DDX23: variants seen among roughly 807,000 people sequenced by gnomAD.
DDX23 encodes DEAD-box helicase 23, also known as probable ATP-dependent RNA helicase DDX23.
In DDX23, 33 loss-of-function variants were observed where a neutral mutation model predicts 102.7. That is an observed-to-expected ratio of 0.32 (90% CI 0.24 to 0.43). The LOEUF (loss-of-function observed/expected upper bound fraction) is 0.43, where lower values mean the gene tolerates loss of function less well. Among genes scored for constraint, DDX23 ranks in the 20% least tolerant of loss-of-function variants. The pLI, the probability that DDX23 is intolerant of heterozygous loss-of-function variation, is 1.00. For synonymous variants in DDX23, 352 were observed against 376.0 expected (o/e 0.94, Z 0.74); for missense variants, 549 against 1,086.6 (o/e 0.51, Z 6.96).
rs777324384 is a variant in DDX23 at position 48,840,071 on chromosome 12, C to T, written c.356G>A (p.Arg119Gln). 26 of 1,613,986 alleles carry T rather than the reference C, an allele frequency of 1.6e-5. No individual in the cohort carries two copies. Among genetic ancestry groups the T allele is most frequent in the East Asian group, 6.7e-5 (3 of 44,906 alleles). ...ATCCTTCTTAGAGTCTCTGTCCTTC[C>T]GAGATTTAAAGTCTTTTCCTCGACC... ...SPGRGKDFKSRKDRDSKKDEE... is the reference protein window; with the variant it reads ...SPGRGKDFKSQKDRDSKKDEE... Residue 119 changes from arginine to glutamine, a missense_variant, in exon 4 of 17, where the codon CGG (arginine) becomes CAG (glutamine). By Grantham distance (43) the Arg-to-Gln change is conservative. This residue lies in a region of DDX23 where 241 missense variants were observed against 267.0 expected (regional missense o/e 0.90). Coordinates refer to ENST00000308025, the MANE Select transcript of DDX23 (RefSeq NM_004818.3).
At chr12:48,846,264 G>A (rs113439573) in intron 1 of DDX23, among the ~76,000 whole-genome samples, 2 of 152,196 alleles carry the variant, frequency 1.3e-5, no homozygotes, top group African/African-American at 4.8e-5. Flanking sequence ...GTGCCTGGTC[G>A]ATTCCTTTTT....
chr12:48,831,762 T>C, intron 15 of DDX23: 1 of 464,890 alleles, frequency 2.2e-6, no homozygotes, highest in Non-Finnish European at 3.9e-6. Context: ...TCAACGTACC[T>C]AAGCAGTTTT....
At chr12:48,841,663 G>C (rs1414724388) in intron 3 of DDX23, among the ~76,000 whole-genome samples, 3 of 152,246 alleles carry the variant, frequency 2.0e-5, no homozygotes, top group Non-Finnish European at 4.4e-5. Flanking sequence ...GGGTTTCGCT[G>C]TGTTGGCCGG....
intron 12 of DDX23, 44 bp from the exon 13 acceptor site, chr12:48,833,563 T>G: frequency 6.3e-7 from 1 of 1,593,560 alleles, no homozygotes; most frequent in Non-Finnish European, 8.5e-7. Context: ...CAGGTGCCCC[T>G]TCTTTTCTTT....
chr12:48,835,972 A>C, intron 11 of DDX23, 149 bp downstream of exon 11: 1 of 913,848 alleles, frequency 1.1e-6, no homozygotes, highest in Non-Finnish European at 1.7e-6. Flanking sequence ...CTTCTTCGAT[A>C]TCATGATCCA....
At chr12:48,848,625 C>A (rs1017425443) in intron 1 of DDX23, among the ~76,000 whole-genome samples, 1 of 152,148 alleles carries the variant, frequency 6.6e-6, no homozygotes, top group African/African-American at 2.4e-5. Flanking sequence ...CACCCTCTCA[C>A]GCAAGATGGA....
rs1237621998 is a variant in DDX23 at position 48,834,090 on chromosome 12, A to G, written c.1560+230T>C. 2.6e-5 allele frequency among the ~76,000 whole-genome samples: 4 copies of G among 152,248 alleles called. No homozygotes were observed. In the East Asian group the frequency reaches 7.7e-4, roughly 29 times the overall value. On this transcript the variant is annotated intron_variant, in intron 12 of 16. Coordinates refer to ENST00000308025, the MANE Select transcript of DDX23 (RefSeq NM_004818.3). ...ATTAACCTGAACCTCAGCTTGATCT[A>G]TAACAAGGAAATACCACTCTCATAC...
At chr12:48,833,169 G>T in intron 13 of DDX23, 108 bp downstream of exon 13, 2 of 1,515,700 alleles carry the variant, frequency 1.3e-6, no homozygotes, top group South Asian at 1.3e-5. Flanking sequence ...AATTTTTGTA[G>T]AGACGGAGTT....
rs1938407793 is a variant in DDX23, at chr12:48,832,605, A to G, written c.1804-32T>C. The stretch of plus-strand genomic sequence containing the variant: ...AAACAGGAGGCTCAGCCCTGCACCC[A>G]GGCAGGAATAATCATATATCCCACT... On this transcript the variant is annotated intron_variant, in intron 13 of 16. Transcript: ENST00000308025. The surrounding 1 kb of genome is among the most constrained non-coding windows in gnomAD (Gnocchi z 4.4). The G allele has an allele frequency of 6.2e-6, 10 of 1,608,094 alleles. No individual in the cohort carries two copies. Among genetic ancestry groups the G allele is most frequent in the African/African-American group, 5.3e-5 (4 of 74,820 alleles).
chr12:48,848,294 A>C (rs1565680066), intron 1 of DDX23, among the ~76,000 whole-genome samples: 1 of 150,920 alleles, frequency 6.6e-6, no homozygotes, highest in African/African-American at 2.4e-5. Context: ...TCAAAAACAA[A>C]ACAAAACAAA....
chr12:48,845,417 T>C lies in DDX23; in HGVS notation c.209+157A>G, dbSNP rs906516346. Among the ~76,000 whole-genome samples the C allele has an allele frequency of 2.6e-5, 4 of 152,276 alleles. No homozygotes were observed. The South Asian group carries it at 6.2e-4, about 24-fold the overall frequency. ...TTGCAGTGAGCTGAGATCGCACCACTGCACTCCAGTCTGGGTAACAAACAG... is the reference window on the plus strand; with the variant it reads ...TTGCAGTGAGCTGAGATCGCACCACCGCACTCCAGTCTGGGTAACAAACAG... On this transcript the variant is annotated intron_variant, in intron 2 of 16. Coordinates refer to ENST00000308025, the MANE Select transcript of DDX23 (RefSeq NM_004818.3).
intron 3 of DDX23, among the ~76,000 whole-genome samples, chr12:48,841,749 G>A (rs1172240216): frequency 6.6e-6 from 1 of 152,208 alleles, no homozygotes; most frequent in South Asian, 2.1e-4. Flanking sequence ...ACACGGAGTC[G>A]CGTTCACTCA....
intron 15 of DDX23, 88 bp from the exon 16 acceptor site, chr12:48,831,404 G>A (rs769332084): frequency 4.3e-5 from 55 of 1,289,962 alleles, no homozygotes; most frequent in Non-Finnish European, 5.7e-5. Context: ...GATGAAGGGA[G>A]GGTTGGAGAG....
chr12:48,844,764 G>A (rs1041629750), intron 2 of DDX23, among the ~76,000 whole-genome samples: 3 of 150,874 alleles, frequency 2.0e-5, no homozygotes, highest in South Asian at 4.3e-4. Context: ...AACCAACCGC[G>A]CCCGGCCCCC....
In DDX23 at chr12:48,836,279, C is replaced by A. The variant is rs1565676214; in HGVS notation, c.1237-13G>T. The A allele has an allele frequency of 1.2e-6, 2 of 1,613,818 alleles. No homozygotes were observed. Among genetic ancestry groups the A allele is most frequent in the Admixed American group, 3.3e-5 (2 of 60,014 alleles). On this transcript the variant is annotated splice_polypyrimidine_tract_variant and intron_variant, in intron 10 of 16. Transcript: ENST00000308025. The surrounding 1 kb of genome is among the most constrained non-coding windows in gnomAD (Gnocchi z 6.1). The stretch of plus-strand genomic sequence containing the variant: ...TAGGTGTTGGTTCCTGCAGTGACCC[C>A]AAGAAAGAGTAATAGGTACAGGGAG...
At position 48,836,335 on chromosome 12, in the gene DDX23, A is replaced by G; in HGVS notation, c.1237-69T>C. On this transcript the variant is annotated intron_variant, in intron 10 of 16. Coordinates refer to ENST00000308025, the MANE Select transcript of DDX23 (RefSeq NM_004818.3). This position sits in a 1 kb window ranked among gnomAD's most constrained non-coding sequence, Gnocchi z 6.1. The stretch of plus-strand genomic sequence containing the variant: ...TACCACCTGGGCAACCACTGATAGT[A>G]GTAAGCACATCTGCTAGCACAATGG... The G allele has an allele frequency of 6.5e-7, 1 of 1,549,450 alleles. No homozygotes were observed. Among genetic ancestry groups the G allele is most frequent in the South Asian group, 1.1e-5 (1 of 88,360 alleles).
At chr12:48,848,672 C>A (rs1938709273) in intron 1 of DDX23, among the ~76,000 whole-genome samples, 1 of 152,150 alleles carries the variant, frequency 6.6e-6, no homozygotes, top group Non-Finnish European at 1.5e-5. Context: ...GCAGCCTTGA[C>A]TTCCCAGGCT....
intron 2 of DDX23, among the ~76,000 whole-genome samples, chr12:48,844,522 A>C (rs1027212071): frequency 6.6e-6 from 1 of 151,932 alleles, no homozygotes; most frequent in Non-Finnish European, 1.5e-5. Flanking sequence ...CAAGTAATCC[A>C]CCTACCTCGG....
intron 1 of DDX23, among the ~76,000 whole-genome samples, 161 bp from the exon 2 acceptor site, chr12:48,845,943 T>A (rs996433290): frequency 6.6e-6 from 1 of 152,218 alleles, no homozygotes; most frequent in Non-Finnish European, 1.5e-5. Context: ...GGAACTTGTC[T>A]GAGGGCAGAC....
Sources: allele counts gnomAD v4.1 joint callset (sites outside exome capture counted in the v4.1 genomes callset), GRCh38; gene constraint gnomAD v4.1.1; regional missense constraint gnomAD v4.1.1; non-coding constraint Gnocchi (gnomAD v3.1); transcripts MANE v1.5; gene names NCBI Gene and HGNC (gene_info 2026-07-23, HGNC 2026-07-21).